The following USP36 variants were observed in gnomAD, a reference collection of about 807,000 sequenced individuals.
USP36 encodes the protein ubiquitin specific peptidase 36, also known as ubiquitin carboxyl-terminal hydrolase 36.
USP36 carries 59 observed loss-of-function variants against 111.5 expected under a neutral mutation model. The observed-to-expected ratio is 0.53, with a 90% CI of 0.43 to 0.66. The LOEUF (loss-of-function observed/expected upper bound fraction) is 0.66, where lower values mean the gene tolerates loss of function less well. Ranked by LOEUF, USP36 falls within the 30% of genes least tolerant of loss-of-function variation. The pLI is 0.00. For synonymous variants in USP36, 628 were observed against 581.0 expected, an observed-to-expected ratio of 1.08 and a Z score of -1.16; for missense variants, 1,488 against 1,468.0, an observed-to-expected ratio of 1.01 and a Z score of -0.22.
chr17:78,812,350 A>AT (rs1208487817), intron 13 of USP36, among the ~76,000 whole-genome samples: 3 of 152,184 alleles, frequency 2.0e-5, no homozygotes, highest in African/African-American at 7.2e-5. Flanking sequence ...TTTCTCATTC[A>AT]TGTCTCCTCT....
At chr17:78,805,895 G>A (rs984998687) in intron 15 of USP36, among the ~76,000 whole-genome samples, 2 of 152,212 alleles carry the variant, frequency 1.3e-5, no homozygotes, top group African/African-American at 4.8e-5. Context: ...CAAGGATGTC[G>A]CAGACAGACC....
rs1476970169 is a variant in USP36, at chr17:78,796,645, G to C, written c.*1255C>G. On this transcript the variant is annotated 3_prime_UTR_variant, in exon 21 of 21. Transcript: ENST00000449938. ...CCCGAGCACAGGGGCAGGAAGCAAA[G>C]CTGCCCCAGGGAGAGGGGGTGCAGA... 3 of 152,326 alleles carry C rather than the reference G, an allele frequency of 2.0e-5. 1 individual carries two copies. The highest frequency in any genetic ancestry group is 3.8e-4 in the East Asian group (2 of 5,200). The allele number at this position is 152,326 out of a possible 1,614,324, so 9.4% of individuals were successfully genotyped here.
At chr17:78,824,138 C>A (rs535505076) in intron 6 of USP36, among the ~76,000 whole-genome samples, 2 of 152,344 alleles carry the variant, frequency 1.3e-5, no homozygotes, top group African/African-American at 4.8e-5. Flanking sequence ...AGAGGCCGGG[C>A]TTCACCCAGC....
chr17:78,811,130 C>CAAAAAAA (rs969048033), intron 13 of USP36, among the ~76,000 whole-genome samples: 118 of 28,152 alleles, frequency 4.2e-3, no homozygotes, highest in Non-Finnish European at 5.7e-3. Context: ...GACTCTGTCT[C>CAAAAAAA]AAAAAAAAAA....
intron 6 of USP36, among the ~76,000 whole-genome samples, chr17:78,823,866 G>A (rs753470827): frequency 6.6e-6 from 1 of 152,302 alleles, no homozygotes; most frequent in Non-Finnish European, 1.5e-5. Context: ...CAGAGGAGGC[G>A]CTCTGGATAC....
intron 4 of USP36, among the ~76,000 whole-genome samples, chr17:78,832,524 C>T (rs957923520): frequency 2.0e-5 from 3 of 152,238 alleles, no homozygotes; most frequent in Non-Finnish European, 2.9e-5. Context: ...GCCATGGCTG[C>T]CTTACTCACA....
chr17:78,794,565 CGTGA>C (rs560865623), downstream of USP36, among the ~76,000 whole-genome samples: 2 of 152,156 alleles, frequency 1.3e-5, no homozygotes, highest in African/African-American at 2.4e-5. Context: ...TGCGAGACGA[CGTGA>C]GTGTGTTCAC....
intron 1 of USP36, among the ~76,000 whole-genome samples, chr17:78,840,035 C>T (rs979619084): frequency 1.3e-5 from 2 of 152,262 alleles, no homozygotes; most frequent in African/African-American, 4.8e-5. Flanking sequence ...AAGCAGCGGC[C>T]TCCCGGGGCC....
Position 78,838,676 on chromosome 17 carries a change from G to A in USP36, c.-99C>T, listed in dbSNP as rs1416635343. On this transcript the variant is annotated 5_prime_UTR_variant, in exon 2 of 21. Coordinates refer to ENST00000449938, the MANE Select transcript of USP36 (RefSeq NM_001385174.1). ...CTGAGTTTGGTTGGGCAGGTGCTAC[G>A]CGGAGCTCCTGAATGTAAGCGCTCC... The A allele has an allele frequency of 6.6e-6, 1 of 152,210 alleles. No individual in the cohort carries two copies. The highest frequency in any genetic ancestry group is 1.5e-5 in the Non-Finnish European group (1 of 68,056). The allele number at this position is 152,210 out of a possible 1,614,324, so 9.4% of individuals were successfully genotyped here. A position where few individuals can be genotyped will look rare whatever the true frequency, so the allele number is the denominator to read the frequency against.
rs758201748 is a variant in USP36, at chr17:78,820,005, G to A, written c.836C>T (p.Ala279Val). ...AAGTTCCAGAGCACGCACAATATTC[G>A]CAGCTTGCTGAGGAGGACAAAAACA... ...LDVALEIRQA[A>V]NIVRALELFV... The change falls in exon 9 of 21, where the codon GCG (alanine) becomes GTG (valine). Residue 279 changes from alanine (A) to valine (V), a missense_variant. Around this residue, in one of 3 missense-constraint regions of USP36, gnomAD observed 196 missense variants for 264.4 expected, o/e 0.74. Transcript: ENST00000449938. 21 of 1,613,910 alleles carry A rather than the reference G, an allele frequency of 1.3e-5. No individual in the cohort carries two copies. The highest frequency in any genetic ancestry group is 9.3e-5 in the African/African-American group (7 of 74,900).
At chr17:78,810,722 G>A (rs898162650) in intron 13 of USP36, among the ~76,000 whole-genome samples, 1 of 152,154 alleles carries the variant, frequency 6.6e-6, no homozygotes, top group Non-Finnish European at 1.5e-5. Context: ...ACAGATGTAC[G>A]TAAATGACCA....
At chr17:78,839,817 C>G (rs959889595) in intron 1 of USP36, among the ~76,000 whole-genome samples, 1 of 152,230 alleles carries the variant, frequency 6.6e-6, no homozygotes, top group African/African-American at 2.4e-5. Context: ...CCGACGCACA[C>G]ACCATCCACA....
rs1485001584 is a variant in USP36 at position 78,797,702 on chromosome 17, T to C, written c.*198A>G. The C allele has an allele frequency of 2.6e-5, 4 of 152,252 alleles. No individual in the cohort carries two copies. Among genetic ancestry groups the C allele is most frequent in the Non-Finnish European group, 5.9e-5 (4 of 68,112 alleles). The allele number at this position is 152,252 out of a possible 1,614,324, so 9.4% of individuals were successfully genotyped here. A position where few individuals can be genotyped will look rare whatever the true frequency, so the allele number is the denominator to read the frequency against. On this transcript the variant is annotated 3_prime_UTR_variant, in exon 21 of 21. Coordinates refer to ENST00000449938, the MANE Select transcript of USP36 (RefSeq NM_001385174.1). ...TCTCTTGCAGGGCTGGTCGGGAATG[T>C]CACCAAAGAGGTTCCGATCTAGAGA...
chr17:78,826,634 C>T (rs769647756), intron 6 of USP36: 1 of 164,102 alleles, frequency 6.1e-6, no homozygotes, highest in Non-Finnish European at 1.3e-5. Flanking sequence ...AAGTCCTAAG[C>T]ATTTCCTGCC....
intron 4 of USP36, among the ~76,000 whole-genome samples, chr17:78,831,253 AGGGAC>A (rs1567967529): frequency 4.6e-5 from 3 of 65,234 alleles, no homozygotes. Flanking sequence ...AAAAAAAAAA[AGGGAC>A]AACATAAATA....
chr17:78,839,919 AT>A (rs1246373075), intron 1 of USP36, among the ~76,000 whole-genome samples: 2 of 152,158 alleles, frequency 1.3e-5, no homozygotes, highest in Non-Finnish European at 2.9e-5. Context: ...AGCCAGCACC[AT>A]TTAGGCTCAT....
At chr17:78,835,540 G>C in intron 3 of USP36, 39 bp from the exon 4 acceptor site, 1 of 1,552,426 alleles carries the variant, frequency 6.4e-7, no homozygotes, top group South Asian at 1.2e-5. Context: ...AGAGGAAGAC[G>C]TAAGTCCACA....
Position 78,829,907 on chromosome 17 carries a change from A to AT in USP36, c.476-901dup, listed in dbSNP as rs1013863600. Among the ~76,000 whole-genome samples, 118 of 152,158 alleles carry AT rather than the reference A, an allele frequency of 7.8e-4. 1 individual carries two copies. The highest frequency in any genetic ancestry group is 2.8e-3 in the African/African-American group (116 of 41,516). ...AGGCTCGTGCCACCATGCCAGGCTA[A>AT]TTTTTTGTATTTTAGTAGAGACAGA... On this transcript the variant is annotated intron_variant, in intron 4 of 20. Coordinates refer to ENST00000449938, the MANE Select transcript of USP36 (RefSeq NM_001385174.1).
chr17:78,815,572 T>C (rs1487248734), intron 10 of USP36, among the ~76,000 whole-genome samples: 1 of 152,164 alleles, frequency 6.6e-6, no homozygotes, highest in Non-Finnish European at 1.5e-5. Context: ...AGGGAGAGAA[T>C]GCTGGGTTTT....
Sources: gnomAD v4.1 joint callset for allele counts (sites outside exome capture counted in the v4.1 genomes callset) on GRCh38, gnomAD v4.1.1 for gene constraint, gnomAD v4.1.1 regional missense constraint, MANE v1.5 for transcripts, NCBI Gene and HGNC (gene_info 2026-07-23, HGNC 2026-07-21) for gene names.